The following SOX5 variants were observed in gnomAD, a reference collection of about 807,000 sequenced individuals.
SOX5 encodes the protein SRY-box transcription factor 5.
SOX5 carries 9 observed loss-of-function variants against 92.0 expected under a neutral mutation model. The ratio of observed to expected loss-of-function variants is 0.10; its 90% confidence interval spans 0.06 to 0.17. The LOEUF (loss-of-function observed/expected upper bound fraction) is 0.17, where lower values mean the gene tolerates loss of function less well. Ranked by LOEUF, SOX5 falls within the 10% of genes least tolerant of loss-of-function variation. The pLI, the probability that SOX5 is intolerant of heterozygous loss-of-function variation, is 1.00. For missense variants in SOX5, 642 were observed against 944.5 expected (o/e 0.68, Z 4.20); for synonymous variants, 344 against 336.3 (o/e 1.02, Z -0.25).
At chr12:24,356,973 A>AG (rs200687656) in intron 2 of SOX5, among the ~76,000 whole-genome samples, 2,113 of 152,364 alleles carry the variant, frequency 0.014, 24 homozygotes, top group Non-Finnish European at 0.021. Flanking sequence ...CCAGTGGCAG[A>AG]GAAAAAAGGC....
At chr12:24,434,274 A>T (rs1285747259) in intron 1 of SOX5, among the ~76,000 whole-genome samples, 1 of 152,206 alleles carries the variant, frequency 6.6e-6, no homozygotes, top group African/African-American at 2.4e-5. Flanking sequence ...GATTACTTTC[A>T]AGGTACTAGG....
intron 1 of SOX5, among the ~76,000 whole-genome samples, chr12:24,477,975 G>A (rs1323741118): frequency 2.6e-5 from 4 of 152,062 alleles, no homozygotes; most frequent in Non-Finnish European, 5.9e-5. Context: ...TTATCAAAAT[G>A]ATTTTTAGGT....
intron 4 of SOX5, among the ~76,000 whole-genome samples, chr12:24,015,777 G>A (rs11047209): frequency 0.24 from 36,188 of 151,890 alleles, 4,684 homozygotes; most frequent in African/African-American, 0.3. Context: ...AAAAAAGGGC[G>A]CCCAAAAGGA....
intron 6 of SOX5, among the ~76,000 whole-genome samples, chr12:23,695,940 C>CAAAAAAAAAAAAAAAAAAAAAAA (rs71059917): frequency 8.4e-5 from 1 of 11,924 alleles, no homozygotes; most frequent in Non-Finnish European, 1.6e-4. Flanking sequence ...GACTCTGTCT[C>CAAAAAAAAAAAAAAAAAAAAAAA]AAAAAAAAAA....
intron 3 of SOX5, among the ~76,000 whole-genome samples, chr12:23,842,788 G>A (rs991077380): frequency 6.6e-6 from 1 of 152,134 alleles, no homozygotes; most frequent in Non-Finnish European, 1.5e-5. Context: ...AAATGGTAGA[G>A]AAGAGATAAA....
chr12:23,711,918 G>A (rs966752058), intron 6 of SOX5, among the ~76,000 whole-genome samples: 2 of 152,182 alleles, frequency 1.3e-5, no homozygotes, highest in Middle Eastern at 3.4e-3. Flanking sequence ...TTTTAGCTGG[G>A]CACCATCTTG....
At chr12:24,100,143 A>C (rs1945911905) in intron 4 of SOX5, among the ~76,000 whole-genome samples, 1 of 152,098 alleles carries the variant, frequency 6.6e-6, no homozygotes, top group Admixed American at 6.5e-5. Flanking sequence ...TTACTGGATC[A>C]TGGAAAATAG....
chr12:23,865,010 T>G (rs1159855060), intron 2 of SOX5, among the ~76,000 whole-genome samples: 2 of 152,220 alleles, frequency 1.3e-5, no homozygotes, highest in South Asian at 2.1e-4. Flanking sequence ...TAGGGGTCAG[T>G]ACATCTTAAA....
At chr12:24,227,740 G>A (rs1962399976) in intron 3 of SOX5, 1 of 152,170 alleles carries the variant, frequency 6.6e-6, no homozygotes, top group Non-Finnish European at 1.5e-5. Flanking sequence ...CATTTAAAGT[G>A]AGAAAAGCTT....
chr12:24,100,700 C>T (rs1945987768), intron 4 of SOX5, among the ~76,000 whole-genome samples: 1 of 152,132 alleles, frequency 6.6e-6, no homozygotes, highest in African/African-American at 2.4e-5. Context: ...TACTTGACAT[C>T]TTGGCTTTGA....
chr12:23,940,861 A>G (rs537276250), intron 1 of SOX5, among the ~76,000 whole-genome samples: 1 of 151,218 alleles, frequency 6.6e-6, no homozygotes, highest in African/African-American at 2.4e-5. Flanking sequence ...AACCTCAAAT[A>G]TCCCCAAATG....
intron 1 of SOX5, among the ~76,000 whole-genome samples, chr12:24,413,820 T>C (rs1169008891): frequency 1.3e-5 from 2 of 152,188 alleles, no homozygotes; most frequent in African/African-American, 2.4e-5. Context: ...TGATTTTTTT[T>C]CCCATCTATC....
chr12:23,871,940 G>A (rs1397614689), intron 2 of SOX5, among the ~76,000 whole-genome samples: 2 of 150,850 alleles, frequency 1.3e-5, no homozygotes, highest in African/African-American at 4.9e-5. Flanking sequence ...ATACTTGAGA[G>A]TACAACATCT....
At chr12:23,842,278 A>G (rs1331290881) in intron 3 of SOX5, among the ~76,000 whole-genome samples, 1 of 152,166 alleles carries the variant, frequency 6.6e-6, no homozygotes, top group Non-Finnish European at 1.5e-5. Flanking sequence ...AGTAGGAGCC[A>G]TATTTCTCAC....
intron 3 of SOX5, among the ~76,000 whole-genome samples, chr12:23,844,857 C>T (rs1004905225): frequency 2.6e-5 from 4 of 152,174 alleles, no homozygotes; most frequent in African/African-American, 9.7e-5. Context: ...TCCCCCTCAA[C>T]ACTGCATTTT....
At chr12:24,401,948 T>C (rs1308333473) in intron 1 of SOX5, among the ~76,000 whole-genome samples, 2 of 152,102 alleles carry the variant, frequency 1.3e-5, no homozygotes, top group African/African-American at 2.4e-5. Flanking sequence ...ATGTATAACA[T>C]AACTACTCAC....
chr12:24,278,428 T>G (rs1213037593), intron 2 of SOX5, among the ~76,000 whole-genome samples: 1 of 152,056 alleles, frequency 6.6e-6, no homozygotes, highest in Non-Finnish European at 1.5e-5. Context: ...ACTTTGAACA[T>G]CAGGCTGGGT....
intron 4 of SOX5, among the ~76,000 whole-genome samples, chr12:24,000,212 G>A (rs954467828): frequency 2.0e-5 from 3 of 151,448 alleles, no homozygotes; most frequent in South Asian, 2.1e-4. Context: ...GAACAGATAA[G>A]AAGTTGGTAA....
intron 3 of SOX5, among the ~76,000 whole-genome samples, chr12:23,786,964 G>A (rs1201767694): frequency 6.9e-6 from 1 of 145,508 alleles, no homozygotes; most frequent in Non-Finnish European, 1.5e-5. Flanking sequence ...CACAGTTGGA[G>A]AACTATTGAT....
Sources: allele counts gnomAD v4.1 joint callset (sites outside exome capture counted in the v4.1 genomes callset), GRCh38; gene constraint gnomAD v4.1.1; transcripts MANE v1.5; gene names NCBI Gene and HGNC (gene_info 2026-07-23, HGNC 2026-07-21).